ZCCHC17: variants seen among roughly 807,000 people sequenced by gnomAD.
ZCCHC17 encodes the protein zinc finger CCHC domain-containing protein 17.
Under a neutral mutation model 30.6 loss-of-function variants are expected in ZCCHC17, and 18 were observed. The observed-to-expected ratio is 0.59, with a 90% confidence interval of 0.41 to 0.87. The LOEUF (loss-of-function observed/expected upper bound fraction) is 0.87, where lower values mean the gene tolerates loss of function less well. Ranked by LOEUF, ZCCHC17 falls within the 40% of genes least tolerant of loss-of-function variation. The pLI, the probability that ZCCHC17 is intolerant of heterozygous loss-of-function variation, is 0.00. For synonymous variants in ZCCHC17, 88 were observed against 92.4 expected, an observed-to-expected ratio of 0.95 and a Z score of 0.27; for missense variants, 263 against 284.2, an observed-to-expected ratio of 0.93 and a Z score of 0.54.
At chr1:31,340,315 G>GTTTTT (rs71028757) in intron 5 of ZCCHC17, among the ~76,000 whole-genome samples, 2,089 of 94,866 alleles carry the variant, frequency 0.022, 64 homozygotes, top group Middle Eastern at 0.034. Context: ...ATCTTGGAGG[G>GTTTTT]TTTTTTTTTT....
chr1:31,342,206 G>A (rs1639073839), intron 5 of ZCCHC17, among the ~76,000 whole-genome samples: 2 of 151,898 alleles, frequency 1.3e-5, no homozygotes, highest in Admixed American at 1.3e-4. Context: ...CACCATGCCT[G>A]GCTAATTTTT....
At chr1:31,307,579 GTT>G (rs754266433) in intron 1 of ZCCHC17, among the ~76,000 whole-genome samples, 3 of 135,350 alleles carry the variant, frequency 2.2e-5, no homozygotes, top group Admixed American at 7.4e-5. Context: ...GATTTTTGTT[GTT>G]TTTTTTTTTT....
At chr1:31,345,546 TTA>T (rs3049368) in intron 5 of ZCCHC17, among the ~76,000 whole-genome samples, 1 of 109,252 alleles carries the variant, frequency 9.2e-6, no homozygotes. Flanking sequence ...TGACAGACAT[TTA>T]TATATATATA....
intron 7 of ZCCHC17, among the ~76,000 whole-genome samples, chr1:31,363,542 A>G (rs1364435883): frequency 6.6e-6 from 1 of 152,102 alleles, no homozygotes; most frequent in African/African-American, 2.4e-5. Context: ...CTGTAATCAC[A>G]GCACTTCGGG....
chr1:31,339,216 C>G (rs1638939306), intron 5 of ZCCHC17, among the ~76,000 whole-genome samples, 168 bp downstream of exon 5: 1 of 152,202 alleles, frequency 6.6e-6, no homozygotes, highest in African/African-American at 2.4e-5. Context: ...TGAAGTTAGA[C>G]CAGGCGTGGT....
chr1:31,346,649 GA>G lies in ZCCHC17; in HGVS notation c.328del (p.Arg110GlyfsTer20). 1 of 1,609,858 alleles carries G rather than the reference GA, an allele frequency of 6.2e-7. No homozygotes were observed. The highest frequency in any genetic ancestry group is 8.5e-7 in the Non-Finnish European group (1 of 1,177,026). ...ATCTTTTTCATTATAGGCAAGAAGAGAGGCGGAGGCGATCCTTCCAGGATTA... is the reference window on the plus strand; with the variant it reads ...ATCTTTTTCATTATAGGCAAGAAGAGGGCGGAGGCGATCCTTCCAGGATTA... ...PNNVIIEQEERRRRSFQDYTG... is the reference protein window; with the variant it reads ...PNNVIIEQEEXRRRSFQDYTG... On this transcript the variant is annotated frameshift_variant, in exon 6 of 8. Coordinates refer to ENST00000344147, the MANE Select transcript of ZCCHC17 (RefSeq NM_016505.4). LOFTEE classifies it high-confidence loss of function.
intron 5 of ZCCHC17, among the ~76,000 whole-genome samples, chr1:31,339,501 C>T (rs895222269): frequency 2.6e-5 from 4 of 151,960 alleles, no homozygotes; most frequent in Non-Finnish European, 4.4e-5. Context: ...GAGTGAGACT[C>T]GGTCTCAAAA....
At chr1:31,312,119 C>T (rs556629976) in intron 2 of ZCCHC17, among the ~76,000 whole-genome samples, 8 of 152,250 alleles carry the variant, frequency 5.3e-5, no homozygotes, top group Admixed American at 3.3e-4. Context: ...TAAATTTCTA[C>T]GGTATTTTGT....
chr1:31,349,568 A>G (rs1298042374), intron 7 of ZCCHC17, among the ~76,000 whole-genome samples: 3 of 152,156 alleles, frequency 2.0e-5, no homozygotes, highest in Non-Finnish European at 4.4e-5. Flanking sequence ...CCTGGCCTCA[A>G]GTGATCTACC....
At position 31,364,226 on chromosome 1, in the gene ZCCHC17, A is replaced by C; in HGVS notation, c.*33A>C. 2 of 1,591,740 alleles carry C rather than the reference A, an allele frequency of 1.3e-6. No individual in the cohort carries two copies. Among genetic ancestry groups the C allele is most frequent in the Admixed American group, 1.8e-5 (1 of 54,400 alleles). Reference sequence around the variant, plus strand: ...AAGAGTGTAGGGGGTGGTTGAGAGTAAGAAACCAGGAGCCTTGTGCCTTGA... The same window carrying C: ...AAGAGTGTAGGGGGTGGTTGAGAGTCAGAAACCAGGAGCCTTGTGCCTTGA... On this transcript the variant is annotated 3_prime_UTR_variant, in exon 8 of 8. Coordinates refer to ENST00000344147, the MANE Select transcript of ZCCHC17 (RefSeq NM_016505.4).
At chr1:31,346,774 C>T (rs766888084) in intron 6 of ZCCHC17, 34 bp downstream of exon 6, 47 of 1,613,256 alleles carry the variant, frequency 2.9e-5, no homozygotes, top group Non-Finnish European at 4.0e-5. Flanking sequence ...CCACGTTTCT[C>T]TCCTTGTGGA....
At chr1:31,321,466 A>G (rs1038299552) in intron 3 of ZCCHC17, among the ~76,000 whole-genome samples, 7 of 152,282 alleles carry the variant, frequency 4.6e-5, no homozygotes, top group African/African-American at 1.4e-4. Flanking sequence ...GTAAGAACAG[A>G]CTAATACAAA....
At chr1:31,335,209 C>T (rs943775211) in intron 3 of ZCCHC17, among the ~76,000 whole-genome samples, 3 of 152,170 alleles carry the variant, frequency 2.0e-5, no homozygotes, top group African/African-American at 7.2e-5. Context: ...CTCTGGCAGA[C>T]TCTTGCCATC....
chr1:31,317,978 A>G (rs186366936), intron 2 of ZCCHC17, among the ~76,000 whole-genome samples: 62 of 152,326 alleles, frequency 4.1e-4, no homozygotes, highest in Middle Eastern at 3.4e-3. Context: ...TGGACCTCCG[A>G]TATGTTACTT....
intron 2 of ZCCHC17, among the ~76,000 whole-genome samples, chr1:31,312,399 A>T (rs1569771235): frequency 6.6e-6 from 1 of 152,204 alleles, no homozygotes; most frequent in Non-Finnish European, 1.5e-5. Flanking sequence ...AGTGCTTGAT[A>T]CATTTTTGAT....
At chr1:31,336,933 CA>C (rs1397446861) in intron 3 of ZCCHC17, among the ~76,000 whole-genome samples, 2 of 151,906 alleles carry the variant, frequency 1.3e-5, no homozygotes, top group Admixed American at 1.3e-4. Context: ...CTCAGCCTTC[CA>C]AAGTTCTGGG....
At chr1:31,363,561 G>A (rs1640011673) in intron 7 of ZCCHC17, among the ~76,000 whole-genome samples, 1 of 152,132 alleles carries the variant, frequency 6.6e-6, no homozygotes, top group East Asian at 1.9e-4. Context: ...GGAGGCCAAG[G>A]TGGGCAGATT....
At chr1:31,317,956 C>T (rs1306976139) in intron 2 of ZCCHC17, among the ~76,000 whole-genome samples, 1 of 152,214 alleles carries the variant, frequency 6.6e-6, no homozygotes, top group Non-Finnish European at 1.5e-5. Context: ...AGCTCTGCTA[C>T]TTATTTAGCT....
Position 31,314,130 on chromosome 1 carries a change from G to A in ZCCHC17, c.66+3966G>A, listed in dbSNP as rs972297313. 2.0e-4 allele frequency among the ~76,000 whole-genome samples: 31 copies of A among 152,170 alleles called. 1 individual carries two copies. Among genetic ancestry groups the A allele is most frequent in the Admixed American group, 1.6e-3 (25 of 15,274 alleles). On this transcript the variant is annotated intron_variant, in intron 2 of 7. Coordinates refer to ENST00000344147, the MANE Select transcript of ZCCHC17 (RefSeq NM_016505.4). The stretch of plus-strand genomic sequence containing the variant: ...TCCACCCACCTCGGCCTCCCAAAGT[G>A]CTGGGATTACAGGTGTGAGCCACTG...
Sources: gnomAD v4.1 joint callset for allele counts (sites outside exome capture counted in the v4.1 genomes callset) on GRCh38, gnomAD v4.1.1 for gene constraint, MANE v1.5 for transcripts, NCBI Gene and HGNC (gene_info 2026-07-23, HGNC 2026-07-21) for gene names.